The following ACRBP variants were observed in gnomAD, a reference collection of about 807,000 sequenced individuals.
ACRBP encodes acrosin binding protein.
Under a neutral mutation model 69.0 loss-of-function variants are expected in ACRBP, and 52 were observed. The ratio of observed to expected loss-of-function variants is 0.75; its 90% CI spans 0.60 to 0.95. ACRBP has a LOEUF of 0.95. ACRBP is among the 40% of genes least tolerant of loss of function. ACRBP has a pLI of 0.00. For synonymous variants in ACRBP, 267 were observed against 258.9 expected (o/e 1.03, Z -0.30); for missense variants, 604 against 673.0 (o/e 0.90, Z 1.13).
At chr12:6,638,685 A>T in intron 9 of ACRBP, 1 of 1,422,170 alleles carries the variant, frequency 7.0e-7, no homozygotes, top group Non-Finnish European at 9.2e-7. Flanking sequence ...CGAGACCTCA[A>T]CGTCCAAGTC....
intron 5 of ACRBP, 44 bp from the exon 6 acceptor site, chr12:6,643,715 C>T (rs375634366): frequency 7.3e-5 from 117 of 1,601,930 alleles, no homozygotes; most frequent in Admixed American, 1.5e-4. Flanking sequence ...CCAGGTGGCC[C>T]GGGCAGGAAA....
In ACRBP at chr12:6,644,392, C is replaced by T. The variant is rs776929000; in HGVS notation, c.689G>A (p.Gly230Glu). 6.2e-7 allele frequency: 1 copy of T among 1,613,992 alleles called. No homozygotes were observed. The highest frequency in any genetic ancestry group is 1.1e-5 in the South Asian group (1 of 91,070). Residue 230 changes from glycine to glutamate, a missense_variant, in exon 5 of 10, where the codon GGA (glycine) becomes GAA (glutamate). This residue lies in a region of ACRBP where 532 missense variants were observed against 562.9 expected (regional missense o/e 0.95). Coordinates refer to ENST00000229243, the MANE Select transcript of ACRBP (RefSeq NM_032489.3). ...AGTCCCCTGTCCTTCTTCCTGCTTT[C>T]CCTCCTCTTCCTGTTCCTCTTCTTG... The part of the protein sequence containing the change: ...EEQEEEQEEE[G>E]KQEEGQGTKE...
Position 6,638,119 on chromosome 12 carries a change from A to G in ACRBP, c.*163T>C, listed in dbSNP as rs1949023929. 2 of 917,242 alleles carry G rather than the reference A, an allele frequency of 2.2e-6. No homozygotes were observed. Among genetic ancestry groups the G allele is most frequent in the African/African-American group, 1.7e-5 (1 of 60,128 alleles). The allele number at this position is 917,242 out of a possible 1,614,324, so 56.8% of individuals were successfully genotyped here. On this transcript the variant is annotated 3_prime_UTR_variant, in exon 10 of 10. Coordinates refer to ENST00000229243, the MANE Select transcript of ACRBP (RefSeq NM_032489.3). ...TAAAGTCATCTTTTAAGGAGGGCGC[A>G]GCTCCCACCGTGGCCCTCTCTGGGA...
intron 6 of ACRBP, among the ~76,000 whole-genome samples, chr12:6,642,464 T>G (rs1306235405): frequency 6.6e-6 from 1 of 152,192 alleles, no homozygotes; most frequent in African/African-American, 2.4e-5. Flanking sequence ...TCTTTGGGTG[T>G]AAGATAGAAA....
At position 6,640,286 on chromosome 12, in the gene ACRBP, ACC is replaced by A; in HGVS notation, c.1257+55_1257+56del. On this transcript the variant is annotated intron_variant, in intron 7 of 9. Coordinates refer to ENST00000229243, the MANE Select transcript of ACRBP (RefSeq NM_032489.3). The surrounding 1 kb of genome is among the most constrained non-coding windows in gnomAD (Gnocchi z 5.3). ...CCCTCCCCACCTGCTGGCCACCACC[ACC>A]CCACCCCTGCCACCCAGTTCTGCCT... 6.4e-7 allele frequency: 1 copy of A among 1,560,536 alleles called. No individual in the cohort carries two copies. The highest frequency in any genetic ancestry group is 8.8e-7 in the Non-Finnish European group (1 of 1,140,950).
chr12:6,642,223 T>C (rs556024843), intron 6 of ACRBP, among the ~76,000 whole-genome samples: 1 of 152,320 alleles, frequency 6.6e-6, no homozygotes, highest in Admixed American at 6.5e-5. Context: ...TGCTAACATC[T>C]TAAATATCTA....
intron 9 of ACRBP, 160 bp from the exon 10 acceptor site, chr12:6,638,564 A>G (rs780118667): frequency 1.6e-6 from 2 of 1,243,934 alleles, no homozygotes; most frequent in Non-Finnish European, 2.2e-6. Flanking sequence ...TTTTAAAGCC[A>G]GAGGAGACAT....
chr12:6,646,689 T>C, intron 2 of ACRBP, 105 bp downstream of exon 2: 2 of 1,511,848 alleles, frequency 1.3e-6, no homozygotes, highest in East Asian at 2.3e-5. Context: ...CATGGTGTGG[T>C]GCCAGCCATG....
chr12:6,643,198 C>T (rs1949065598), intron 6 of ACRBP, among the ~76,000 whole-genome samples: 1 of 151,922 alleles, frequency 6.6e-6, no homozygotes, highest in Admixed American at 6.6e-5. Flanking sequence ...GTCAAGGCTG[C>T]AGTAAGCCAT....
At chr12:6,643,755 T>A in intron 5 of ACRBP, 84 bp from the exon 6 acceptor site, 2 of 1,556,420 alleles carry the variant, frequency 1.3e-6, no homozygotes, top group South Asian at 1.2e-5. Flanking sequence ...CTTCCCTTAG[T>A]GTCTGCTTTG....
At chr12:6,641,661 T>G (rs1296875795) in intron 6 of ACRBP, among the ~76,000 whole-genome samples, 1 of 152,200 alleles carries the variant, frequency 6.6e-6, no homozygotes, top group East Asian at 1.9e-4. Context: ...GTAATATTAC[T>G]GTATCCATAT....
chr12:6,647,089 C>CT, intron 1 of ACRBP, 77 bp from the exon 2 acceptor site: 1 of 1,360,624 alleles, frequency 7.3e-7, no homozygotes. Flanking sequence ...CAGACCCAGA[C>CT]TGGCAAATTA....
rs1399114216 is a variant in ACRBP, at chr12:6,640,549, AAGCTGAGAGTC to A, written c.1078-38_1078-28del. ...TGGGGCAGGGGAATGGGTGAGGCTG[AAGCTGAGAGTC>A]AGCGGCCTGCCTTCTCCCATGCCTC... On this transcript the variant is annotated intron_variant, in intron 6 of 9. Transcript: ENST00000229243. This position sits in a 1 kb window ranked among gnomAD's most constrained non-coding sequence, Gnocchi z 5.3. 6.2e-7 allele frequency: 1 copy of A among 1,604,866 alleles called. No individual in the cohort carries two copies. The highest frequency in any genetic ancestry group is 1.7e-5 in the Admixed American group (1 of 59,534).
Position 6,647,355 on chromosome 12 carries a change from T to TGGCTTCCTCATGG in ACRBP, c.-2_11dup (p.Ala5HisfsTer80). ...GGAGTGAGGGAAGGAAGCCAGCGGC[T>TGGCTTCCTCATGG]GGCTTCCTCATGGCCGGAGAAGATC... On this transcript the variant is annotated frameshift_variant, in exon 1 of 10. Coordinates refer to ENST00000229243, the MANE Select transcript of ACRBP (RefSeq NM_032489.3). LOFTEE classifies it high-confidence loss of function. The TGGCTTCCTCATGG allele has an allele frequency of 2.6e-6, 4 of 1,542,086 alleles. No homozygotes were observed. Among genetic ancestry groups the TGGCTTCCTCATGG allele is most frequent in the Non-Finnish European group, 3.5e-6 (4 of 1,143,202 alleles).
At position 6,647,029 on chromosome 12, in the gene ACRBP, C is replaced by T. The variant is rs1482509751; in HGVS notation, c.44-17G>A. The T allele has an allele frequency of 6.2e-7, 1 of 1,603,856 alleles. No individual in the cohort carries two copies. The highest frequency in any genetic ancestry group is 1.1e-5 in the South Asian group (1 of 90,920). ...GGAGCAGCACTGCGGAGCGGGCGAACGGATGATGGAAGGACCGAACCCCAA... is the reference window on the plus strand; with the variant it reads ...GGAGCAGCACTGCGGAGCGGGCGAATGGATGATGGAAGGACCGAACCCCAA... On this transcript the variant is annotated splice_polypyrimidine_tract_variant and intron_variant, in intron 1 of 9. Coordinates refer to ENST00000229243, the MANE Select transcript of ACRBP (RefSeq NM_032489.3).
chr12:6,640,040 C>T lies in ACRBP; in HGVS notation c.1425+20G>A. 1 of 1,613,568 alleles carries T rather than the reference C, an allele frequency of 6.2e-7. No individual in the cohort carries two copies. The highest frequency in any genetic ancestry group is 8.5e-7 in the Non-Finnish European group (1 of 1,179,702). ...GGGTGAGGGTAGGGATGGGGCTGAG[C>T]TTTGGGGAAAGGTTCTAACCTTGGT... is the stretch of plus-strand genomic sequence containing the variant. On this transcript the variant is annotated intron_variant, in intron 8 of 9. Coordinates refer to ENST00000229243, the MANE Select transcript of ACRBP (RefSeq NM_032489.3). This position sits in a 1 kb window ranked among gnomAD's most constrained non-coding sequence, Gnocchi z 5.3.
At chr12:6,646,161 G>A (rs1426626577) in intron 3 of ACRBP, among the ~76,000 whole-genome samples, 1 of 139,798 alleles carries the variant, frequency 7.2e-6, no homozygotes, top group Admixed American at 7.3e-5. Context: ...TAGTAGAAAC[G>A]GGGTTTCACC....
rs949440285 is a variant in ACRBP, at chr12:6,647,388, G to A, written c.-22C>T. On this transcript the variant is annotated 5_prime_UTR_variant, in exon 1 of 10. In the 5' UTR this introduces an upstream ATG that the reference lacks. Coordinates refer to ENST00000229243, the MANE Select transcript of ACRBP (RefSeq NM_032489.3). ...TCATGGCCGGAGAAGATCCGCCCGC[G>A]TCCCGTGGACACAAGCCGCCTCTAA... 6.6e-7 allele frequency: 1 copy of A among 1,517,822 alleles called. No individual in the cohort carries two copies. The highest frequency in any genetic ancestry group is 8.8e-7 in the Non-Finnish European group (1 of 1,130,662). The allele number at this position is 1,517,822 out of a possible 1,614,324, so 94.0% of individuals were successfully genotyped here.
In ACRBP at chr12:6,647,431, A is replaced by G. The variant is rs1949100106; in HGVS notation, c.-65T>C. The G allele has an allele frequency of 2.1e-6, 3 of 1,449,202 alleles. No individual in the cohort carries two copies. Among genetic ancestry groups the G allele is most frequent in the Non-Finnish European group, 2.8e-6 (3 of 1,089,132 alleles). 89.8% of individuals were successfully genotyped at this position (1,449,202 alleles called of 1,614,324 possible). On this transcript the variant is annotated 5_prime_UTR_variant, in exon 1 of 10. Transcript: ENST00000229243. Reference sequence around the variant, plus strand: ...GCCTCTAACGGGCCAAGCCGCAGAGAGAGCCGCAGGCGCGGGGCGGGGCGC... The same window carrying G: ...GCCTCTAACGGGCCAAGCCGCAGAGGGAGCCGCAGGCGCGGGGCGGGGCGC...
Sources: allele counts gnomAD v4.1 joint callset (sites outside exome capture counted in the v4.1 genomes callset), GRCh38; gene constraint gnomAD v4.1.1; regional missense constraint gnomAD v4.1.1; non-coding constraint Gnocchi (gnomAD v3.1); transcripts MANE v1.5; gene names NCBI Gene and HGNC (gene_info 2026-07-23, HGNC 2026-07-21).